NVL: variants seen among roughly 807,000 people sequenced by gnomAD.
NVL encodes nuclear valosin-containing protein-like.
Under a neutral mutation model 110.2 loss-of-function variants are expected in NVL, and 84 were observed. The ratio of observed to expected loss-of-function variants is 0.76; its 90% CI spans 0.64 to 0.91. The LOEUF (loss-of-function observed/expected upper bound fraction) is 0.91, where lower values mean the gene tolerates loss of function less well. NVL is among the 40% of genes least tolerant of loss of function. The pLI, the probability that NVL is intolerant of heterozygous loss-of-function variation, is 0.00. For synonymous variants in NVL, 354 were observed against 361.1 expected, an observed-to-expected ratio of 0.98 and a Z score of 0.22; for missense variants, 882 against 1,035.9, an observed-to-expected ratio of 0.85 and a Z score of 2.04.
intron 20 of NVL, 42 bp from the exon 21 acceptor site, chr1:224,233,331 CA>C: frequency 6.8e-7 from 1 of 1,473,416 alleles, no homozygotes. Flanking sequence ...TTAGATACTG[CA>C]AAATCCCAGA....
In NVL at chr1:224,302,064, A is replaced by G. The variant is rs936297348; in HGVS notation, c.961-1401T>C. Among the ~76,000 whole-genome samples the G allele has an allele frequency of 3.3e-5, 5 of 152,294 alleles. No homozygotes were observed. In the Middle Eastern group the frequency reaches 0.01, roughly 311 times the overall value. ...ATTGTGGTACTTAACACTATATTCC[A>G]AAGTCTGGCATGCAGTAGTCAGTCA... is the stretch of plus-strand genomic sequence containing the variant. On this transcript the variant is annotated intron_variant, in intron 9 of 22. Coordinates refer to ENST00000281701, the MANE Select transcript of NVL (RefSeq NM_002533.4).
Position 224,308,223 on chromosome 1 carries a change from C to A in NVL, c.383G>T (p.Arg128Leu), listed in dbSNP as rs149707008. Residue 128 changes from arginine to leucine, a missense_variant, in exon 6 of 23, where the codon CGG becomes CTG. Physicochemically the swap from Arg to Leu is moderately radical, Grantham distance 102. Coordinates refer to ENST00000281701, the MANE Select transcript of NVL (RefSeq NM_002533.4). ...HMNSSLLSLY[R>L]KGNPDSVSNT... ...TGAAACAGAATCAGGATTTCCTTTC[C>A]GATATAAAGACAGCAGGGAACTGTT... is the stretch of plus-strand genomic sequence containing the variant. 12 of 1,612,090 alleles carry A rather than the reference C, an allele frequency of 7.4e-6. No individual in the cohort carries two copies. Among genetic ancestry groups the A allele is most frequent in the Non-Finnish European group, 1.0e-5 (12 of 1,179,382 alleles).
At chr1:224,288,751 G>T (rs1001098083) in intron 13 of NVL, among the ~76,000 whole-genome samples, 1 of 152,092 alleles carries the variant, frequency 6.6e-6, no homozygotes, top group Non-Finnish European at 1.5e-5. Context: ...TGGGGAAAAT[G>T]ACATTTATAT....
rs771880821 is a variant in NVL at position 224,308,410 on chromosome 1, G to A, written c.343-147C>T. The A allele has an allele frequency of 1.3e-5, 9 of 709,800 alleles. 1 individual carries two copies. Among genetic ancestry groups the A allele is most frequent in the Non-Finnish European group, 1.7e-5 (8 of 459,842 alleles). 44.0% of individuals were successfully genotyped at this position (709,800 alleles called of 1,614,324 possible). On this transcript the variant is annotated intron_variant, in intron 5 of 22. Transcript: ENST00000281701. ...TATAATCAGAATATATAGGTGTTAGGCTGGGCACAGTGGCTTATGCCTGTA... is the reference window on the plus strand; with the variant it reads ...TATAATCAGAATATATAGGTGTTAGACTGGGCACAGTGGCTTATGCCTGTA...
intron 6 of NVL, among the ~76,000 whole-genome samples, chr1:224,305,698 A>G (rs1367531981): frequency 2.0e-5 from 3 of 152,010 alleles, no homozygotes; most frequent in Non-Finnish European, 4.4e-5. Context: ...GCCCACCACC[A>G]TGCCCAGCTA....
rs929579249 is a variant in NVL at position 224,231,845 on chromosome 1, T to C, written c.2456-549A>G. Among the ~76,000 whole-genome samples the C allele has an allele frequency of 6.7e-5, 10 of 150,286 alleles. No homozygotes were observed. The East Asian group carries it at 1.8e-3, about 27-fold the overall frequency. ...TTCGAGACCAGCCTGACCAATATGG[T>C]GAAATCCCGTCTCTACTAAAAATAC... On this transcript the variant is annotated intron_variant, in intron 21 of 22. Coordinates refer to ENST00000281701, the MANE Select transcript of NVL (RefSeq NM_002533.4).
At chr1:224,306,773 T>C (rs1668965310) in intron 6 of NVL, among the ~76,000 whole-genome samples, 1 of 152,000 alleles carries the variant, frequency 6.6e-6, no homozygotes, top group Non-Finnish European at 1.5e-5. Context: ...GTGGAGGTTA[T>C]AGTGAGCCGT....
chr1:224,273,075 C>A (rs1665349003), intron 17 of NVL, among the ~76,000 whole-genome samples: 1 of 142,998 alleles, frequency 7.0e-6, no homozygotes, highest in Non-Finnish European at 1.5e-5. Context: ...AAAAACACAA[C>A]AAAAACACAA....
chr1:224,251,345 A>C (rs1662480790), intron 18 of NVL, among the ~76,000 whole-genome samples: 2 of 151,912 alleles, frequency 1.3e-5, no homozygotes, highest in Admixed American at 6.6e-5. Flanking sequence ...AAAATTAATA[A>C]ATTGCATTTT....
intron 5 of NVL, 77 bp downstream of exon 5, chr1:224,311,723 A>T (rs900778428): frequency 9.2e-6 from 10 of 1,082,740 alleles, no homozygotes; most frequent in Non-Finnish European, 1.4e-5. Flanking sequence ...TCCAGCTAAT[A>T]CTGAGTTTTT....
intron 10 of NVL, 61 bp downstream of exon 10, chr1:224,300,501 A>T (rs1193218936): frequency 4.2e-6 from 5 of 1,189,054 alleles, no homozygotes; most frequent in Non-Finnish European, 6.1e-6. Flanking sequence ...CAGAAAAAGC[A>T]GGATCTTTAA....
At chr1:224,279,554 AAACTTAT>A (rs1335042361) in intron 16 of NVL, among the ~76,000 whole-genome samples, 1 of 152,218 alleles carries the variant, frequency 6.6e-6, no homozygotes, top group African/African-American at 2.4e-5. Flanking sequence ...GGAGAGTTCC[AAACTTAT>A]AACTAAAGAG....
chr1:224,298,565 C>T (rs544669306), intron 10 of NVL: 15 of 220,704 alleles, frequency 6.8e-5, no homozygotes, highest in African/African-American at 3.0e-4. Context: ...GGAGCCTGAA[C>T]TGCTGGAGCC....
chr1:224,309,598 T>C (rs1669312747), intron 5 of NVL, among the ~76,000 whole-genome samples: 1 of 152,112 alleles, frequency 6.6e-6, no homozygotes, highest in Non-Finnish European at 1.5e-5. Flanking sequence ...AAATTATAAA[T>C]AATTTGACAA....
intron 17 of NVL, among the ~76,000 whole-genome samples, chr1:224,273,889 AG>A (rs1343125117): frequency 6.6e-6 from 1 of 152,208 alleles, no homozygotes; most frequent in African/African-American, 2.4e-5. Flanking sequence ...ATCAATGACT[AG>A]GATGAAGAAA....
At chr1:224,256,423 TAAAAAAA>T (rs34959473) in intron 18 of NVL, among the ~76,000 whole-genome samples, 786 of 75,666 alleles carry the variant, frequency 0.01, 3 homozygotes, top group African/African-American at 0.036. Flanking sequence ...AGGCTCCATC[TAAAAAAA>T]AAAAAAAAAA....
chr1:224,288,226 G>A (rs1054573843), intron 13 of NVL, among the ~76,000 whole-genome samples: 3 of 152,094 alleles, frequency 2.0e-5, no homozygotes, highest in African/African-American at 7.2e-5. Flanking sequence ...AAACATATAA[G>A]AATGACTTCT....
At chr1:224,228,642 A>C (rs1241745750) in intron 22 of NVL, among the ~76,000 whole-genome samples, 1 of 149,196 alleles carries the variant, frequency 6.7e-6, no homozygotes, top group Non-Finnish European at 1.5e-5. Flanking sequence ...AACATTCATA[A>C]GAAACTGCCA....
intron 4 of NVL, among the ~76,000 whole-genome samples, chr1:224,315,951 C>A (rs1377620502): frequency 1.3e-5 from 2 of 152,124 alleles, no homozygotes; most frequent in African/African-American, 4.8e-5. Flanking sequence ...TCCCAGCATT[C>A]TGGGAGTCCG....
Sources: allele counts gnomAD v4.1 joint callset (sites outside exome capture counted in the v4.1 genomes callset), GRCh38; gene constraint gnomAD v4.1.1; transcripts MANE v1.5; gene names NCBI Gene and HGNC (gene_info 2026-07-23, HGNC 2026-07-21).